The following ZFP28 variants were observed in gnomAD, a reference collection of about 807,000 sequenced individuals.
ZFP28 encodes ZFP28 zinc finger protein.
ZFP28 carries 31 observed loss-of-function variants against 39.5 expected under a neutral mutation model. The ratio of observed to expected loss-of-function variants is 0.79; its 90% confidence interval spans 0.59 to 1.06. ZFP28 has a LOEUF of 1.06. Ranked by LOEUF, ZFP28 falls within the 50% of genes least tolerant of loss-of-function variation. ZFP28 has a pLI of 0.00. For synonymous variants in ZFP28, 400 were observed against 378.6 expected (o/e 1.06, Z -0.66); for missense variants, 925 against 1,048.4 (o/e 0.88, Z 1.63).
At position 56,554,748 on chromosome 19, in the gene ZFP28, A is replaced by C; in HGVS notation, c.1963A>C (p.Thr655Pro). The C allele has an allele frequency of 4.3e-6, 7 of 1,614,184 alleles. No individual in the cohort carries two copies. The highest frequency in any genetic ancestry group is 5.9e-6 in the Non-Finnish European group (7 of 1,180,032). Residue 655 changes from threonine (T) to proline (P), a missense_variant, in exon 8 of 8, where the codon ACC becomes CCC. Coordinates refer to ENST00000301318, the MANE Select transcript of ZFP28 (RefSeq NM_020828.2). This position sits in a 1 kb window ranked among gnomAD's most constrained non-coding sequence, Gnocchi z 6.7. ...YECKVCSKAFTQKAHLAQHQK... is the reference protein window; with the variant it reads ...YECKVCSKAFPQKAHLAQHQK... ...ATGTAAGGTTTGTAGTAAAGCGTTC[A>C]CCCAGAAGGCTCACCTTGCACAGCA...
At chr19:56,542,532 C>T (rs967703679) in intron 2 of ZFP28, among the ~76,000 whole-genome samples, 4 of 152,164 alleles carry the variant, frequency 2.6e-5, no homozygotes, top group Non-Finnish European at 5.9e-5. Flanking sequence ...CCATGTTGTT[C>T]GAAGGTCAAA....
rs1309530970 is a variant in ZFP28, at chr19:56,550,614, A to AG, written c.898+11dup. 1 of 1,614,054 alleles carries AG rather than the reference A, an allele frequency of 6.2e-7. No individual in the cohort carries two copies. The highest frequency in any genetic ancestry group is 1.1e-5 in the South Asian group (1 of 91,082). ...AGGAAGCCTGTTCTCAGGTGAGTGC[A>AG]GGAGAGCCTGGTGTGGAAAATCTAC... is the stretch of plus-strand genomic sequence containing the variant. On this transcript the variant is annotated intron_variant, in intron 7 of 7. Coordinates refer to ENST00000301318, the MANE Select transcript of ZFP28 (RefSeq NM_020828.2).
chr19:56,537,606 T>A (rs2044145762), upstream of ZFP28: 1 of 152,278 alleles, frequency 6.6e-6, no homozygotes, highest in South Asian at 2.1e-4. Context: ...TGACTGAAAC[T>A]AAGCCTTTTC....
intron 7 of ZFP28, chr19:56,552,111 T>A: frequency 1.7e-6 from 1 of 577,304 alleles, no homozygotes; most frequent in Non-Finnish European, 2.2e-6. Context: ...ATAATTTATT[T>A]AAATTATTTA....
At chr19:56,549,990 G>T in intron 5 of ZFP28, 77 bp from the exon 6 acceptor site, 1 of 1,222,458 alleles carries the variant, frequency 8.2e-7, no homozygotes, top group Non-Finnish European at 1.2e-6. Flanking sequence ...TTGCAGTGTG[G>T]ACACAGTCCA....
At chr19:56,549,993 A>C in intron 5 of ZFP28, 74 bp from the exon 6 acceptor site, 1 of 1,247,874 alleles carries the variant, frequency 8.0e-7, no homozygotes. Context: ...CAGTGTGGAC[A>C]CAGTCCATCC....
rs1451945725 is a variant in ZFP28 at position 56,555,660 on chromosome 19, T to A, written c.*268T>A. ...ACATTGAAAAGTTACAGTAGTCAGC[T>A]CTGATAAAAAAATGATGCAGTAGGG... On this transcript the variant is annotated 3_prime_UTR_variant, in exon 8 of 8. Coordinates refer to ENST00000301318, the MANE Select transcript of ZFP28 (RefSeq NM_020828.2). The A allele has an allele frequency of 2.6e-6, 1 of 383,254 alleles. No individual in the cohort carries two copies. Among genetic ancestry groups the A allele is most frequent in the Non-Finnish European group, 4.6e-6 (1 of 218,582 alleles). The allele number at this position is 383,254 out of a possible 1,614,324, so 23.7% of individuals were successfully genotyped here. A position where few individuals can be genotyped will look rare whatever the true frequency, so the allele number is the denominator to read the frequency against.
chr19:56,554,118 G>A lies in ZFP28; in HGVS notation c.1333G>A (p.Glu445Lys). 1 of 1,614,222 alleles carries A rather than the reference G, an allele frequency of 6.2e-7. No individual in the cohort carries two copies. ...TGTTCATCAGAGAATTCACACTGGA[G>A]AGAAACCTTATAAATGTAATGAATG... is the stretch of plus-strand genomic sequence containing the variant. ...LTVHQRIHTG[E>K]KPYKCNECGK... The change falls in exon 8 of 8, where the codon GAG (glutamate) becomes AAG (lysine). Residue 445 changes from glutamate to lysine, a missense_variant. Physicochemically the swap from Glu to Lys is moderately conservative, Grantham distance 56. This residue lies in a region of ZFP28 where 556 missense variants were observed against 542.9 expected (regional missense o/e 1.02). Transcript: ENST00000301318. The surrounding 1 kb of genome is among the most constrained non-coding windows in gnomAD (Gnocchi z 6.7).
rs1240485635 is a variant in ZFP28 at position 56,547,375 on chromosome 19, C to T, written c.301-133C>T. ...TAGGCCCTGTCTCTAAATACAGTCACATTCAAAAGTACTGGGGATTAGGAG... is the reference window on the plus strand; with the variant it reads ...TAGGCCCTGTCTCTAAATACAGTCATATTCAAAAGTACTGGGGATTAGGAG... On this transcript the variant is annotated intron_variant, in intron 2 of 7. Coordinates refer to ENST00000301318, the MANE Select transcript of ZFP28 (RefSeq NM_020828.2). The surrounding 1 kb of genome is among the most constrained non-coding windows in gnomAD (Gnocchi z 4.6). 3 of 1,322,166 alleles carry T rather than the reference C, an allele frequency of 2.3e-6. No individual in the cohort carries two copies. The highest frequency in any genetic ancestry group is 3.1e-6 in the Non-Finnish European group (3 of 953,484). The allele number at this position is 1,322,166 out of a possible 1,614,324, so 81.9% of individuals were successfully genotyped here.
At chr19:56,550,889 T>G in intron 7 of ZFP28, 1 of 1,434,688 alleles carries the variant, frequency 7.0e-7, no homozygotes, top group Non-Finnish European at 9.1e-7. Flanking sequence ...CTGATGCACT[T>G]TTGAGCTGAC....
rs1198226650 is a variant in ZFP28 at position 56,543,563 on chromosome 19, C to T, written c.300+3847C>T. Among the ~76,000 whole-genome samples the T allele has an allele frequency of 4.6e-5, 7 of 151,942 alleles. No homozygotes were observed. The East Asian group carries it at 5.8e-4, about 13-fold the overall frequency. On this transcript the variant is annotated intron_variant, in intron 2 of 7. Transcript: ENST00000301318. ...GGGCCTATAGGCGTGTGCCACCATA[C>T]CCAGTTCATATGTATATTAAGATGA...
Position 56,538,983 on chromosome 19 carries a change from G to T in ZFP28, c.-36G>T. 1.5e-6 allele frequency: 2 copies of T among 1,375,310 alleles called. No individual in the cohort carries two copies. Among genetic ancestry groups the T allele is most frequent in the Non-Finnish European group, 1.9e-6 (2 of 1,068,776 alleles). 85.2% of individuals were successfully genotyped at this position (1,375,310 alleles called of 1,614,324 possible). ...TGGCCAGGGGTGTGGGTCTGTGAGG[G>T]ACCGGTCGGAAGGGCGTCGCGCGGC... is the stretch of plus-strand genomic sequence containing the variant. On this transcript the variant is annotated 5_prime_UTR_variant, in exon 1 of 8. Coordinates refer to ENST00000301318, the MANE Select transcript of ZFP28 (RefSeq NM_020828.2).
intron 7 of ZFP28, among the ~76,000 whole-genome samples, chr19:56,553,472 C>T (rs1409232839): frequency 6.6e-6 from 1 of 152,152 alleles, no homozygotes. Flanking sequence ...CTCAAGTGAT[C>T]TGCCTCAGGT....
In ZFP28 at chr19:56,547,188, C is replaced by G. The variant is rs1281958447; in HGVS notation, c.301-320C>G. Reference sequence around the variant, plus strand: ...GCAGGTTTGGTTTCACCTGAGGCCTCTCTCCTTGGCTTGCAGACGGCCGTC... The same window carrying G: ...GCAGGTTTGGTTTCACCTGAGGCCTGTCTCCTTGGCTTGCAGACGGCCGTC... On this transcript the variant is annotated intron_variant, in intron 2 of 7. Transcript: ENST00000301318. This position sits in a 1 kb window ranked among gnomAD's most constrained non-coding sequence, Gnocchi z 4.6. 1 of 264,282 alleles carries G rather than the reference C, an allele frequency of 3.8e-6. No homozygotes were observed. The highest frequency in any genetic ancestry group is 4.8e-5 in the Admixed American group (1 of 20,708). 16.4% of individuals were successfully genotyped at this position (264,282 alleles called of 1,614,324 possible).
intron 5 of ZFP28, among the ~76,000 whole-genome samples, chr19:56,549,369 G>A (rs2044272973): frequency 6.6e-6 from 1 of 152,174 alleles, no homozygotes; most frequent in Non-Finnish European, 1.5e-5. Flanking sequence ...TTTGACTTGT[G>A]ATGAATGTAA....
At position 56,550,965 on chromosome 19, in the gene ZFP28, G is replaced by C. The variant is rs904664180; in HGVS notation, c.898+360G>C. ...TTTCATCATGCATCCATTCCTGTGA[G>C]AACCACAAATTGAAAGTTATGGGAT... On this transcript the variant is annotated intron_variant, in intron 7 of 7. Coordinates refer to ENST00000301318, the MANE Select transcript of ZFP28 (RefSeq NM_020828.2). 21 of 1,369,846 alleles carry C rather than the reference G, an allele frequency of 1.5e-5. No individual in the cohort carries two copies. The East Asian group carries it at 4.2e-4, about 27-fold the overall frequency. 84.9% of individuals were successfully genotyped at this position (1,369,846 alleles called of 1,614,324 possible).
At chr19:56,549,224 A>T (rs1469105962) in intron 5 of ZFP28, 103 bp downstream of exon 5, 1 of 1,342,112 alleles carries the variant, frequency 7.5e-7, no homozygotes, top group Non-Finnish European at 1.0e-6. Context: ...AGAAGTTTTC[A>T]TTTGAATACA....
intron 2 of ZFP28, chr19:56,545,889 C>A (rs1383975594): frequency 6.6e-6 from 1 of 152,146 alleles, no homozygotes; most frequent in Non-Finnish European, 1.5e-5. Context: ...TAGTATGGGG[C>A]CTTTTCTATC....
chr19:56,539,250 C>T (rs1432278768), intron 1 of ZFP28, 24 bp downstream of exon 1: 3 of 1,572,996 alleles, frequency 1.9e-6, no homozygotes, highest in Admixed American at 1.8e-5. Flanking sequence ...GTGTTTGGGG[C>T]CGAGCGGACA....
Sources: allele counts gnomAD v4.1 joint callset (sites outside exome capture counted in the v4.1 genomes callset), GRCh38; gene constraint gnomAD v4.1.1; regional missense constraint gnomAD v4.1.1; non-coding constraint Gnocchi (gnomAD v3.1); transcripts MANE v1.5; gene names NCBI Gene and HGNC (gene_info 2026-07-23, HGNC 2026-07-21).